PCDHGB6: variants seen among roughly 807,000 people sequenced by gnomAD.
PCDHGB6 encodes protocadherin gamma subfamily B, 6.
In PCDHGB6, 51 loss-of-function variants were observed where a neutral mutation model predicts 59.1. The ratio of observed to expected loss-of-function variants is 0.86; its 90% CI spans 0.69 to 1.09. The LOEUF (loss-of-function observed/expected upper bound fraction) is 1.09. Among genes scored for constraint, PCDHGB6 ranks in the 50% least tolerant of loss-of-function variants. The pLI is 0.00. For synonymous variants in PCDHGB6, 466 were observed against 495.1 expected, an observed-to-expected ratio of 0.94 and a Z score of 0.78; for missense variants, 1,148 against 1,205.1, an observed-to-expected ratio of 0.95 and a Z score of 0.70.
In PCDHGB6 at chr5:141,409,143, G is replaced by C. The variant is rs778597273; in HGVS notation, c.941G>C (p.Arg314Thr). Residue 314 changes from arginine to threonine, a missense_variant, in exon 1 of 4, where the codon AGG becomes ACG. Around this residue, in one of 5 missense-constraint regions of PCDHGB6, gnomAD observed 549 missense variants for 527.5 expected, o/e 1.04. Coordinates refer to ENST00000520790, the MANE Select transcript of PCDHGB6 (RefSeq NM_018926.3). ...NQSFDFEDVE[R>T]YTMEVEAKDG... ...TCATTTGATTTTGAAGATGTAGAAA[G>C]GTACACCATGGAAGTGGAAGCGAAG... 2 of 1,613,986 alleles carry C rather than the reference G, an allele frequency of 1.2e-6. No individual in the cohort carries two copies. Among genetic ancestry groups the C allele is most frequent in the Admixed American group, 3.3e-5 (2 of 60,018 alleles).
At chr5:141,470,599 C>T (rs967683467) in intron 1 of PCDHGB6, among the ~76,000 whole-genome samples, 12 of 152,194 alleles carry the variant, frequency 7.9e-5, no homozygotes, top group Non-Finnish European at 1.2e-4. Context: ...GCGACCTGTG[C>T]GGGGACACAG....
intron 1 of PCDHGB6, among the ~76,000 whole-genome samples, chr5:141,460,418 G>C (rs905215023): frequency 3.3e-5 from 5 of 152,096 alleles, no homozygotes; most frequent in Admixed American, 6.5e-5. Flanking sequence ...TGATGTTTAT[G>C]TATGGTGTAT....
chr5:141,490,051 G>A lies in PCDHGB6; in HGVS notation c.2419-4756G>A, dbSNP rs779280988. The A allele has an allele frequency of 6.2e-6, 10 of 1,614,094 alleles. No homozygotes were observed. Among genetic ancestry groups the A allele is most frequent in the Admixed American group, 5.0e-5 (3 of 60,012 alleles). ...CCGCCTCAATGCCACTGATCCAGAC[G>A]AGGGCACCAACGGCCAACTAGACTA... On this transcript the variant is annotated intron_variant, in intron 1 of 3. Coordinates refer to ENST00000520790, the MANE Select transcript of PCDHGB6 (RefSeq NM_018926.3). The surrounding 1 kb of genome is among the most constrained non-coding windows in gnomAD (Gnocchi z 5.4).
At chr5:141,458,094 A>G (rs1036190372) in intron 1 of PCDHGB6, among the ~76,000 whole-genome samples, 3 of 152,260 alleles carry the variant, frequency 2.0e-5, no homozygotes, top group African/African-American at 7.2e-5. Context: ...AGTTAAGAGT[A>G]CTTACAGATA....
rs2095278932 is a variant in PCDHGB6 at position 141,409,529 on chromosome 5, G to T, written c.1327G>T (p.Ala443Ser). The change falls in exon 1 of 4, where the codon GCT becomes TCT. Residue 443 changes from alanine (A) to serine (S), a missense_variant. Physicochemically the swap from Ala to Ser is moderately conservative, Grantham distance 99. Around this residue, in one of 5 missense-constraint regions of PCDHGB6, gnomAD observed 549 missense variants for 527.5 expected, o/e 1.04. Transcript: ENST00000520790. ...CAGTAGAAGCATCACCTTGTATGTC[G>T]CTGACATCAACGACAACGCCCCAGT... is the stretch of plus-strand genomic sequence containing the variant. Reference protein sequence around the residue: ...SSSRSITLYVADINDNAPVFD... With the variant: ...SSSRSITLYVSDINDNAPVFD... 1 of 1,613,962 alleles carries T rather than the reference G, an allele frequency of 6.2e-7. No individual in the cohort carries two copies. Among genetic ancestry groups the T allele is most frequent in the Non-Finnish European group, 8.5e-7 (1 of 1,179,896 alleles).
rs369210340 is a variant in PCDHGB6, at chr5:141,409,018, G to A, written c.816G>A (p.Gly272=). The A allele has an allele frequency of 1.9e-5, 31 of 1,613,814 alleles. No individual in the cohort carries two copies. The highest frequency in any genetic ancestry group is 2.5e-5 in the Non-Finnish European group (29 of 1,179,904). The change falls in exon 1 of 4, where the codon GGG becomes GGA. Residue 272 remains glycine (G), a synonymous_variant. Coordinates refer to ENST00000520790, the MANE Select transcript of PCDHGB6 (RefSeq NM_018926.3). The part of the protein sequence containing the change: ...LQVTATDQDE[G]VNAEINYYFR... ...TGACAGCCACTGACCAGGATGAGGG[G>A]GTCAATGCTGAGATAAACTACTACT... is the stretch of plus-strand genomic sequence containing the variant.
chr5:141,427,782 T>G, intron 1 of PCDHGB6: 1 of 1,459,986 alleles, frequency 6.8e-7, no homozygotes, highest in Middle Eastern at 1.7e-4. Context: ...GCGGGCACTG[T>G]CGTCCTACGT....
chr5:141,452,951 G>T (rs1397204185), intron 1 of PCDHGB6, among the ~76,000 whole-genome samples: 13 of 152,154 alleles, frequency 8.5e-5, no homozygotes, highest in Admixed American at 8.5e-4. Context: ...GCAATTGGTT[G>T]TCTTTAAACT....
At chr5:141,418,667 G>A (rs1561775322) in intron 1 of PCDHGB6, 1 of 1,614,036 alleles carries the variant, frequency 6.2e-7, no homozygotes, top group Admixed American at 1.7e-5. Flanking sequence ...CACTGACCAG[G>A]ACGAGGGCAT....
At chr5:141,473,369 G>A (rs888984972) in intron 1 of PCDHGB6, among the ~76,000 whole-genome samples, 1 of 152,200 alleles carries the variant, frequency 6.6e-6, no homozygotes, top group African/African-American at 2.4e-5. Context: ...CACCAAAATA[G>A]CATGGTCCCT....
At chr5:141,483,555 C>CAG (rs1415499107) in intron 1 of PCDHGB6, among the ~76,000 whole-genome samples, 2 of 152,152 alleles carry the variant, frequency 1.3e-5, no homozygotes, top group African/African-American at 4.8e-5. Flanking sequence ...GTGCCATTCA[C>CAG]AGAGACAGTG....
At chr5:141,430,573 A>T (rs938248057) in intron 1 of PCDHGB6, 2 of 449,056 alleles carry the variant, frequency 4.5e-6, no homozygotes, top group Non-Finnish European at 7.6e-6. Flanking sequence ...AGAAAAGCGG[A>T]GATCCTGCTC....
At chr5:141,475,764 C>T (rs2154573514) in intron 1 of PCDHGB6, among the ~76,000 whole-genome samples, 1 of 152,380 alleles carries the variant, frequency 6.6e-6, no homozygotes, top group South Asian at 2.1e-4. Flanking sequence ...CCGATACTGG[C>T]AAGGCGCTTT....
chr5:141,410,410 A>G lies in PCDHGB6; in HGVS notation c.2208A>G (p.Gly736=). 6.2e-7 allele frequency: 1 copy of G among 1,613,986 alleles called. No individual in the cohort carries two copies. The highest frequency in any genetic ancestry group is 8.5e-7 in the Non-Finnish European group (1 of 1,179,886). The change falls in exon 1 of 4, where the codon GGA becomes GGG. Residue 736 remains glycine (G), a synonymous_variant. Transcript: ENST00000520790. ...CFHPGLCVKS[G]PVVPPNYSEG... ...ATCCTGGTCTCTGTGTCAAGTCTGG[A>G]CCTGTAGTTCCCCCCAACTACAGTG...
chr5:141,414,864 G>A (rs766848727), intron 1 of PCDHGB6: 2 of 1,614,174 alleles, frequency 1.2e-6, no homozygotes, highest in South Asian at 2.2e-5. Context: ...ACGACAATGC[G>A]CCCGAGATCC....
At chr5:141,427,934 G>A (rs746648152) in intron 1 of PCDHGB6, 42 of 1,584,338 alleles carry the variant, frequency 2.7e-5, no homozygotes, top group Non-Finnish European at 3.6e-5. Context: ...GCATGTTGGT[G>A]GGCGACCTCA....
intron 2 of PCDHGB6, among the ~76,000 whole-genome samples, chr5:141,495,968 CTGTTACTCTTTCTT>C (rs1033811907): frequency 6.6e-6 from 1 of 152,126 alleles, no homozygotes; most frequent in African/African-American, 2.4e-5. Context: ...GCCTCTTTCT[CTGTTACTCTTTCTT>C]TATCTCTCTT....
rs1299607088 is a variant in PCDHGB6 at position 141,472,933 on chromosome 5, C to T, written c.2419-21874C>T. ...CCCAAGAGGAGGAGGTTGTGGTGAG[C>T]CAAGATTATGCCATTGCACTCCAGC... On this transcript the variant is annotated intron_variant, in intron 1 of 3. Coordinates refer to ENST00000520790, the MANE Select transcript of PCDHGB6 (RefSeq NM_018926.3). Among the ~76,000 whole-genome samples, 4 of 143,758 alleles carry T rather than the reference C, an allele frequency of 2.8e-5. No individual in the cohort carries two copies. In the Admixed American group the frequency reaches 2.9e-4, roughly 10 times the overall value. 94.3% of individuals were successfully genotyped at this position (143,758 alleles called of 152,430 possible). A position where few individuals can be genotyped will look rare whatever the true frequency, so the allele number is the denominator to read the frequency against.
chr5:141,422,260 G>A, intron 1 of PCDHGB6: 1 of 1,564,392 alleles, frequency 6.4e-7, no homozygotes, highest in South Asian at 1.2e-5. Context: ...GAATGATAAC[G>A]CTCCAGAAAT....
Sources: allele counts gnomAD v4.1 joint callset (sites outside exome capture counted in the v4.1 genomes callset), GRCh38; gene constraint gnomAD v4.1.1; regional missense constraint gnomAD v4.1.1; non-coding constraint Gnocchi (gnomAD v3.1); transcripts MANE v1.5; gene names NCBI Gene and HGNC (gene_info 2026-07-23, HGNC 2026-07-21).